Variants in GSE1 observed in about 807,000 individuals in gnomAD.
The protein encoded by GSE1 is Gse1 coiled-coil protein.
A neutral mutation model predicts 112.6 loss-of-function variants in GSE1; 32 were observed. That is an observed-to-expected ratio of 0.28 (90% CI 0.21 to 0.38). The LOEUF is 0.38. Ranked by LOEUF, GSE1 falls within the 10% of genes least tolerant of loss-of-function variation. The pLI is 1.00. For missense variants in GSE1, 2,348 were observed against 1,699.2 expected (o/e 1.38, Z -6.71); for synonymous variants, 1,115 against 735.6 (o/e 1.52, Z -8.35).
chr16:85,596,674 A>C (rs1027939778), intron 1 of GSE1, among the ~76,000 whole-genome samples: 3 of 152,228 alleles, frequency 2.0e-5, no homozygotes, highest in African/African-American at 7.2e-5. Flanking sequence ...CACACTGGCC[A>C]CAATTCAAGT....
chr16:85,666,368 T>G, intron 13 of GSE1, 21 bp downstream of exon 13: 1 of 1,612,750 alleles, frequency 6.2e-7, no homozygotes, highest in Non-Finnish European at 8.5e-7. Flanking sequence ...TGCCAGTCCC[T>G]GCTCAGCTCT....
chr16:85,203,287 G>A (rs912809582), intron 1 of GSE1, among the ~76,000 whole-genome samples: 2 of 152,194 alleles, frequency 1.3e-5, no homozygotes, highest in African/African-American at 2.4e-5. Context: ...AGGGCATAGC[G>A]CCAGGCTGGG....
intron 2 of GSE1, among the ~76,000 whole-genome samples, chr16:85,368,799 G>A (rs78002991): frequency 0.041 from 6,183 of 152,232 alleles, 209 homozygotes; most frequent in Middle Eastern, 0.11. Flanking sequence ...TTCTCTAGGG[G>A]GCTTCCCAGA....
chr16:85,193,708 C>G (rs113033677), intron 1 of GSE1, among the ~76,000 whole-genome samples: 3,216 of 152,348 alleles, frequency 0.021, 128 homozygotes, highest in African/African-American at 0.073. Context: ...ATCCACCCGC[C>G]TCAGCCTCCC....
At chr16:85,577,100 C>T (rs748782614) in intron 1 of GSE1, among the ~76,000 whole-genome samples, 6 of 151,066 alleles carry the variant, frequency 4.0e-5, no homozygotes, top group African/African-American at 1.2e-4. Context: ...TGACCTTCCC[C>T]GGGCACCCGG....
At chr16:85,382,649 A>G (rs1447362452) in intron 2 of GSE1, among the ~76,000 whole-genome samples, 1 of 152,216 alleles carries the variant, frequency 6.6e-6, no homozygotes, top group African/African-American at 2.4e-5. Context: ...AAGCAGATCC[A>G]GAGCCAAAGC....
At chr16:85,544,881 C>T (rs533311377) in intron 2 of GSE1, among the ~76,000 whole-genome samples, 9 of 152,330 alleles carry the variant, frequency 5.9e-5, no homozygotes, top group Admixed American at 3.3e-4. Context: ...AACAGGACCG[C>T]GGCCGGAGCA....
intron 1 of GSE1, among the ~76,000 whole-genome samples, chr16:85,302,415 T>C (rs757938489): frequency 1.3e-5 from 2 of 150,152 alleles, no homozygotes; most frequent in African/African-American, 2.5e-5. Context: ...GTTTACTGAA[T>C]GACCATTAGC....
chr16:85,559,413 G>A (rs2045404999), intron 1 of GSE1, among the ~76,000 whole-genome samples: 1 of 152,240 alleles, frequency 6.6e-6, no homozygotes, highest in African/African-American at 2.4e-5. Context: ...TCGGGCCTGT[G>A]GTTCTGGATG....
chr16:85,482,131 G>A (rs886708800), intron 2 of GSE1, among the ~76,000 whole-genome samples: 4 of 152,256 alleles, frequency 2.6e-5, no homozygotes, highest in African/African-American at 9.6e-5. Context: ...GCTGTAGGAG[G>A]GAGGCCTTGG....
At position 85,656,964 on chromosome 16, in the gene GSE1, A is replaced by G. The variant is rs190478855; in HGVS notation, c.1312+299A>G. 3.9e-5 allele frequency among the ~76,000 whole-genome samples: 6 copies of G among 152,346 alleles called. No individual in the cohort carries two copies. In the East Asian group the frequency reaches 9.6e-4, roughly 24 times the overall value. The stretch of plus-strand genomic sequence containing the variant: ...CTGTAAGTTTACGAAACAATTGTCC[A>G]GTAATAACAACCAGCTTTTGCATGT... On this transcript the variant is annotated intron_variant, in intron 7 of 15. Transcript: ENST00000253458.
chr16:85,672,578 A>G lies in GSE1; in HGVS notation c.*39A>G. The G allele has an allele frequency of 7.1e-7, 1 of 1,412,090 alleles. No individual in the cohort carries two copies. The highest frequency in any genetic ancestry group is 2.0e-4 in the Middle Eastern group (1 of 4,904). The allele number at this position is 1,412,090 out of a possible 1,614,324, so 87.5% of individuals were successfully genotyped here. On this transcript the variant is annotated 3_prime_UTR_variant, in exon 16 of 16. Transcript: ENST00000253458. ...ACTAGGCCGAACCTATAGTATAGAA[A>G]TATTATCTATTTTATTACCTTGAAT...
intron 1 of GSE1, among the ~76,000 whole-genome samples, chr16:85,564,596 C>T (rs762618963): frequency 6.6e-6 from 1 of 152,188 alleles, no homozygotes; most frequent in Non-Finnish European, 1.5e-5. Context: ...CCAGTGGGGA[C>T]TTGGCAGGGA....
At chr16:85,574,719 T>C (rs1156482924) in intron 1 of GSE1, among the ~76,000 whole-genome samples, 1 of 152,214 alleles carries the variant, frequency 6.6e-6, no homozygotes, top group African/African-American at 2.4e-5. Context: ...AAACACTGTG[T>C]CCTGTCCGCT....
At chr16:85,511,074 C>A (rs1325500215) in intron 2 of GSE1, among the ~76,000 whole-genome samples, 2 of 152,222 alleles carry the variant, frequency 1.3e-5, no homozygotes, top group Admixed American at 1.3e-4. Context: ...ACTCCTATGT[C>A]CTCAGTGCCC....
At chr16:85,458,930 G>T (rs1022508494) in intron 2 of GSE1, among the ~76,000 whole-genome samples, 3 of 152,168 alleles carry the variant, frequency 2.0e-5, no homozygotes, top group African/African-American at 7.2e-5. Context: ...CTATCTCCCT[G>T]CTCTGGATAA....
intron 1 of GSE1, among the ~76,000 whole-genome samples, chr16:85,265,631 C>T (rs1908158183): frequency 6.6e-6 from 1 of 152,168 alleles, no homozygotes; most frequent in South Asian, 2.1e-4. Context: ...ACTCCAGAGG[C>T]TGATGCCTAC....
chr16:85,377,327 G>A (rs1478258986), intron 2 of GSE1, among the ~76,000 whole-genome samples: 2 of 152,180 alleles, frequency 1.3e-5, no homozygotes, highest in African/African-American at 2.4e-5. Context: ...TTCGGGTCTG[G>A]CCTGTTCTCC....
chr16:85,309,313 G>A (rs748868486), intron 1 of GSE1, among the ~76,000 whole-genome samples: 5 of 152,086 alleles, frequency 3.3e-5, no homozygotes, highest in African/African-American at 7.2e-5. Flanking sequence ...CCTGGACAAC[G>A]TAGTGAGACC....
Sources: allele counts gnomAD v4.1 joint callset (sites outside exome capture counted in the v4.1 genomes callset), GRCh38; gene constraint gnomAD v4.1.1; transcripts MANE v1.5; gene names NCBI Gene and HGNC (gene_info 2026-07-23, HGNC 2026-07-21).